The following SNAP91 variants were observed in gnomAD, a reference collection of about 807,000 sequenced individuals.
The protein encoded by SNAP91 is clathrin coat assembly protein AP180.
A neutral mutation model predicts 100.3 loss-of-function variants in SNAP91; 27 were observed. That is an observed-to-expected ratio of 0.27 (90% CI 0.20 to 0.37). The LOEUF is 0.37. Among genes scored for constraint, SNAP91 ranks in the 10% least tolerant of loss-of-function variants. The pLI is 1.00. For synonymous variants in SNAP91, 404 were observed against 398.6 expected, an observed-to-expected ratio of 1.01 and a Z score of -0.16; for missense variants, 986 against 1,123.7, an observed-to-expected ratio of 0.88 and a Z score of 1.75.
intron 2 of SNAP91, among the ~76,000 whole-genome samples, chr6:83,704,522 A>C (rs530646409): frequency 6.6e-6 from 1 of 152,302 alleles, no homozygotes; most frequent in Admixed American, 6.5e-5. Flanking sequence ...CATTTCTTCA[A>C]GTGTATAAAT....
At chr6:83,626,493 T>G (rs1277688730) in intron 8 of SNAP91, among the ~76,000 whole-genome samples, 1 of 152,182 alleles carries the variant, frequency 6.6e-6, no homozygotes, top group Non-Finnish European at 1.5e-5. Context: ...TCCATGAGCA[T>G]GAAATGTTTT....
intron 7 of SNAP91, among the ~76,000 whole-genome samples, chr6:83,641,938 G>C (rs1038729118): frequency 2.0e-5 from 3 of 152,086 alleles, no homozygotes; most frequent in Admixed American, 2.0e-4. Flanking sequence ...TGCAATATGA[G>C]AGTATAATTT....
chr6:83,630,295 T>A (rs954262132), intron 8 of SNAP91, among the ~76,000 whole-genome samples: 3 of 152,074 alleles, frequency 2.0e-5, no homozygotes, highest in African/African-American at 7.2e-5. Flanking sequence ...TCAGAAATAT[T>A]GGTCTGTAGT....
chr6:83,596,756 T>C (rs1399443540), intron 16 of SNAP91, among the ~76,000 whole-genome samples: 1 of 71,176 alleles, frequency 1.4e-5, no homozygotes, highest in East Asian at 5.8e-4. Flanking sequence ...ACTTTTTCAA[T>C]TAAAGATTTT....
At chr6:83,671,157 A>C (rs1227045143) in intron 2 of SNAP91, among the ~76,000 whole-genome samples, 2 of 151,914 alleles carry the variant, frequency 1.3e-5, no homozygotes, top group Non-Finnish European at 2.9e-5. Flanking sequence ...TGGTCTGTCT[A>C]TTTATTTTGG....
chr6:83,593,815 C>T (rs1237867966), intron 17 of SNAP91, 74 bp from the exon 18 acceptor site: 1 of 1,503,890 alleles, frequency 6.6e-7, no homozygotes, highest in East Asian at 2.3e-5. Flanking sequence ...ATAACTATGG[C>T]AAGAGACACC....
intron 2 of SNAP91, among the ~76,000 whole-genome samples, chr6:83,675,061 T>C (rs1339455621): frequency 6.6e-6 from 1 of 152,114 alleles, no homozygotes; most frequent in African/African-American, 2.4e-5. Flanking sequence ...TGCTGAGAAC[T>C]GCATAAATGA....
intron 2 of SNAP91, chr6:83,690,252 T>C (rs1221818076): frequency 6.2e-6 from 7 of 1,128,852 alleles, no homozygotes; most frequent in Non-Finnish European, 7.7e-6. Flanking sequence ...AAATCTCTTC[T>C]TGAGAAATAA....
At position 83,599,846 on chromosome 6, in the gene SNAP91, C is replaced by A. The variant is rs74670682; in HGVS notation, c.1324+1425G>T. On this transcript the variant is annotated intron_variant, in intron 16 of 29. Transcript: ENST00000369694. The stretch of plus-strand genomic sequence containing the variant: ...CTTCACCTAGGCTAAAGTGCAGTGG[C>A]GTGATCAGGCTCACTGTAACCTCCA... Among the ~76,000 whole-genome samples, 1,232 of 152,162 alleles carry A rather than the reference C, an allele frequency of 8.1e-3. 17 individuals carry two copies. Among genetic ancestry groups the A allele is most frequent in the African/African-American group, 0.028 (1,144 of 41,500 alleles).
intron 26 of SNAP91, among the ~76,000 whole-genome samples, chr6:83,562,419 GA>G (rs1455002537): frequency 1.6e-4 from 25 of 151,942 alleles, no homozygotes; most frequent in Non-Finnish European, 3.2e-4. Context: ...TAGAATAAAA[GA>G]AAAAAATTAC....
At chr6:83,562,580 G>C (rs1240273503) in intron 26 of SNAP91, among the ~76,000 whole-genome samples, 1 of 152,094 alleles carries the variant, frequency 6.6e-6, no homozygotes, top group Non-Finnish European at 1.5e-5. Context: ...TGGTCATCTA[G>C]ATATCTGCTT....
chr6:83,622,146 A>C (rs2096754255), intron 9 of SNAP91, among the ~76,000 whole-genome samples: 1 of 152,100 alleles, frequency 6.6e-6, no homozygotes, highest in Non-Finnish European at 1.5e-5. Context: ...GTTTTCTCAT[A>C]GTAGCAGAAA....
chr6:83,690,938 T>C (rs1040066264), intron 2 of SNAP91, among the ~76,000 whole-genome samples: 2 of 152,228 alleles, frequency 1.3e-5, no homozygotes, highest in South Asian at 4.1e-4. Context: ...TTGCTAATAT[T>C]GAATTTCTTA....
chr6:83,582,170 T>A, intron 23 of SNAP91, 52 bp downstream of exon 23: 1 of 1,596,004 alleles, frequency 6.3e-7, no homozygotes, highest in Admixed American at 1.7e-5. Context: ...AGGTAGTACT[T>A]TTTTTTATTA....
At chr6:83,657,097 T>C (rs1218727369) in intron 6 of SNAP91, among the ~76,000 whole-genome samples, 2 of 152,220 alleles carry the variant, frequency 1.3e-5, no homozygotes, top group African/African-American at 4.8e-5. Flanking sequence ...ATGCATTATA[T>C]ATATATGTGT....
intron 9 of SNAP91, among the ~76,000 whole-genome samples, chr6:83,617,649 C>A (rs1562365598): frequency 1.3e-5 from 2 of 151,292 alleles, no homozygotes; most frequent in African/African-American, 4.8e-5. Context: ...AATATAATAT[C>A]AGAGCACTGT....
At chr6:83,692,413 G>C (rs566730115) in intron 2 of SNAP91, among the ~76,000 whole-genome samples, 1 of 152,094 alleles carries the variant, frequency 6.6e-6, no homozygotes, top group East Asian at 1.9e-4. Context: ...TACTCAGGAG[G>C]TTGAGGCAGA....
At chr6:83,563,130 T>C (rs1790845469) in intron 26 of SNAP91, among the ~76,000 whole-genome samples, 1 of 152,152 alleles carries the variant, frequency 6.6e-6, no homozygotes, top group Non-Finnish European at 1.5e-5. Flanking sequence ...CGAGACATCT[T>C]AGACATGAGG....
chr6:83,570,368 AG>A (rs1443927655), intron 26 of SNAP91, among the ~76,000 whole-genome samples: 1 of 152,200 alleles, frequency 6.6e-6, no homozygotes, highest in Non-Finnish European at 1.5e-5. Context: ...GAAAATTTGC[AG>A]CCTGACAATG....
Sources: gnomAD v4.1 joint callset for allele counts (sites outside exome capture counted in the v4.1 genomes callset) on GRCh38, gnomAD v4.1.1 for gene constraint, MANE v1.5 for transcripts, NCBI Gene and HGNC (gene_info 2026-07-23, HGNC 2026-07-21) for gene names.